Variants in GPC5 observed in about 807,000 individuals in gnomAD.
GPC5 encodes the protein glypican 5, also known as glypican-5.
Under a neutral mutation model 53.9 loss-of-function variants are expected in GPC5, and 47 were observed. That is an observed-to-expected ratio of 0.87 (90% CI 0.69 to 1.11). The LOEUF (loss-of-function observed/expected upper bound fraction) is 1.11. Ranked by LOEUF, GPC5 falls within the 50% of genes most tolerant of loss-of-function variation. The pLI is 0.00. For synonymous variants in GPC5, 286 were observed against 263.3 expected, an observed-to-expected ratio of 1.09 and a Z score of -0.84; for missense variants, 748 against 713.1, an observed-to-expected ratio of 1.05 and a Z score of -0.56.
intron 5 of GPC5, among the ~76,000 whole-genome samples, chr13:91,809,086 G>T (rs1312648542): frequency 6.6e-6 from 1 of 152,046 alleles, no homozygotes; most frequent in Non-Finnish European, 1.5e-5. Flanking sequence ...AGGTAGAAAA[G>T]GATTATCATC....
intron 6 of GPC5, among the ~76,000 whole-genome samples, chr13:92,099,675 T>G (rs1199142377): frequency 6.6e-6 from 1 of 152,216 alleles, no homozygotes; most frequent in Non-Finnish European, 1.5e-5. Context: ...AACTGTTTAC[T>G]GAATTAAACT....
chr13:92,071,393 C>T (rs9516006), intron 6 of GPC5, among the ~76,000 whole-genome samples: 65,169 of 151,764 alleles, frequency 0.43, 15,562 homozygotes, highest in East Asian at 0.79. Flanking sequence ...ATAAACTATT[C>T]ATCTATATTT....
At chr13:92,600,882 A>G (rs1884029606) in intron 7 of GPC5, among the ~76,000 whole-genome samples, 1 of 152,134 alleles carries the variant, frequency 6.6e-6, no homozygotes, top group African/African-American at 2.4e-5. Flanking sequence ...TTACCCAAAT[A>G]TGAAAATAGC....
chr13:92,355,593 C>T (rs1403113414), intron 7 of GPC5, among the ~76,000 whole-genome samples: 4 of 152,156 alleles, frequency 2.6e-5, no homozygotes, highest in Non-Finnish European at 4.4e-5. Flanking sequence ...TTGATACCTG[C>T]CTTGCTGTAT....
intron 7 of GPC5, among the ~76,000 whole-genome samples, chr13:92,280,792 C>G (rs1042455201): frequency 1.3e-5 from 2 of 152,070 alleles, no homozygotes; most frequent in African/African-American, 4.8e-5. Context: ...CTAATAGGAA[C>G]AGCTCCAGTC....
At chr13:91,962,031 G>C (rs2040130903) in intron 6 of GPC5, among the ~76,000 whole-genome samples, 1 of 152,112 alleles carries the variant, frequency 6.6e-6, no homozygotes, top group African/African-American at 2.4e-5. Flanking sequence ...TCATAAAAGA[G>C]ATTACCTTTG....
intron 4 of GPC5, among the ~76,000 whole-genome samples, chr13:91,733,283 C>G (rs1863530033): frequency 6.6e-6 from 1 of 152,044 alleles, no homozygotes; most frequent in Non-Finnish European, 1.5e-5. Context: ...TTACAGCATG[C>G]ACCACCACAC....
intron 2 of GPC5, among the ~76,000 whole-genome samples, chr13:91,647,065 ATATGCGTGTGTGTGTG>A (rs1427483943): frequency 2.3e-5 from 3 of 132,658 alleles, no homozygotes; most frequent in Admixed American, 8.0e-5. Flanking sequence ...GATAATATAT[ATATGCGTGTGTGTGTG>A]TGTGTGTGTG....
In GPC5 at chr13:92,022,212, G is replaced by A. The variant is rs1294989478; in HGVS notation, c.1401+114155G>A. Among the ~76,000 whole-genome samples, 3 of 152,134 alleles carry A rather than the reference G, an allele frequency of 2.0e-5. No individual in the cohort carries two copies. The East Asian group carries it at 5.8e-4, about 29-fold the overall frequency. ...GATGGGATTTTGCCATGTTGGCCAGGCTGGTCTCAAACTCCTGACCTCAAG... is the reference window on the plus strand; with the variant it reads ...GATGGGATTTTGCCATGTTGGCCAGACTGGTCTCAAACTCCTGACCTCAAG... On this transcript the variant is annotated intron_variant, in intron 6 of 7. Coordinates refer to ENST00000377067, the MANE Select transcript of GPC5 (RefSeq NM_004466.6).
chr13:92,766,479 A>G (rs1875410563), intron 7 of GPC5, among the ~76,000 whole-genome samples: 1 of 152,208 alleles, frequency 6.6e-6, no homozygotes, highest in African/African-American at 2.4e-5. Context: ...AATATCCTTC[A>G]TGAGTTCTTT....
At chr13:91,511,437 CT>C (rs542977385) in intron 2 of GPC5, among the ~76,000 whole-genome samples, 89 of 151,982 alleles carry the variant, frequency 5.9e-4, no homozygotes, top group African/African-American at 2.0e-3. Context: ...AATTCTCATT[CT>C]TTTTTTTCTG....
chr13:92,304,007 C>A (rs1228252792), intron 7 of GPC5, among the ~76,000 whole-genome samples: 1 of 152,048 alleles, frequency 6.6e-6, no homozygotes, highest in East Asian at 1.9e-4. Flanking sequence ...TGTCTACGAG[C>A]TTCTACATAG....
intron 5 of GPC5, among the ~76,000 whole-genome samples, chr13:91,875,318 G>T (rs750246366): frequency 6.6e-6 from 1 of 152,060 alleles, no homozygotes; most frequent in Non-Finnish European, 1.5e-5. Context: ...TGCTTTTGTA[G>T]TTACCTTTAA....
At chr13:92,466,170 G>A (rs1259341081) in intron 7 of GPC5, among the ~76,000 whole-genome samples, 1 of 121,910 alleles carries the variant, frequency 8.2e-6, no homozygotes, top group African/African-American at 3.4e-5. Context: ...CCATAAATAC[G>A]TATTATTTGT....
At chr13:92,546,586 T>C (rs964833633) in intron 7 of GPC5, among the ~76,000 whole-genome samples, 4 of 152,162 alleles carry the variant, frequency 2.6e-5, no homozygotes, top group African/African-American at 9.7e-5. Context: ...AAAATGGGCA[T>C]ACTGTCCAAG....
chr13:92,515,701 A>T (rs1880748590), intron 7 of GPC5, among the ~76,000 whole-genome samples: 1 of 152,218 alleles, frequency 6.6e-6, no homozygotes, highest in South Asian at 2.1e-4. Flanking sequence ...ATACTTTATT[A>T]ACCACCAAAA....
At chr13:92,012,420 T>A (rs1361430276) in intron 6 of GPC5, among the ~76,000 whole-genome samples, 1 of 152,304 alleles carries the variant, frequency 6.6e-6, no homozygotes. Flanking sequence ...TCATCCTGAT[T>A]TTTTTAAAAA....
At chr13:92,782,809 T>C (rs1876080858) in intron 7 of GPC5, among the ~76,000 whole-genome samples, 1 of 152,176 alleles carries the variant, frequency 6.6e-6, no homozygotes, top group Admixed American at 6.6e-5. Context: ...GTGCCTGGGA[T>C]TCTGACTTAC....
intron 5 of GPC5, among the ~76,000 whole-genome samples, chr13:91,783,689 G>T (rs1447084889): frequency 1.3e-5 from 2 of 152,038 alleles, no homozygotes; most frequent in African/African-American, 4.8e-5. Context: ...CGATCTGCCC[G>T]CCCTGGCCTC....
Sources: gnomAD v4.1 joint callset for allele counts (sites outside exome capture counted in the v4.1 genomes callset) on GRCh38, gnomAD v4.1.1 for gene constraint, MANE v1.5 for transcripts, NCBI Gene and HGNC (gene_info 2026-07-23, HGNC 2026-07-21) for gene names.